The following ABCA8 variants were observed in gnomAD, a reference collection of about 807,000 sequenced individuals.
ABCA8 encodes ATP binding cassette subfamily A member 8.
A neutral mutation model predicts 192.3 loss-of-function variants in ABCA8; 177 were observed. That is an observed-to-expected ratio of 0.92 (90% CI 0.81 to 1.04). The LOEUF (loss-of-function observed/expected upper bound fraction) is 1.04. Ranked by LOEUF, ABCA8 falls within the 50% of genes least tolerant of loss-of-function variation. ABCA8 has a pLI of 0.00. For missense variants in ABCA8, 1,915 were observed against 1,904.8 expected (o/e 1.01, Z -0.10); for synonymous variants, 642 against 690.2 (o/e 0.93, Z 1.09).
rs772809468 is a variant in ABCA8 at position 68,875,304 on chromosome 17, A to C, written c.4587T>G (p.His1529Gln). The change falls in exon 37 of 40, where the codon CAT becomes CAG. Residue 1529 changes from histidine (H) to glutamine (Q), a missense_variant. Coordinates refer to ENST00000586539, the MANE Select transcript of ABCA8 (RefSeq NM_001288985.2). ...GGGGGAAAAGCCTCAGGATCTCTGCATGGAGGGGCTCCACTTGTGCCAGGT... is the reference window on the plus strand; with the variant it reads ...GGGGGAAAAGCCTCAGGATCTCTGCCTGGAGGGGCTCCACTTGTGCCAGGT... ...VKNLAQVEPL[H>Q]AEILRLFPQA... 6.2e-7 allele frequency: 1 copy of C among 1,614,018 alleles called. No individual in the cohort carries two copies. The highest frequency in any genetic ancestry group is 1.3e-5 in the African/African-American group (1 of 74,932).
At chr17:68,873,358 G>C (rs1439122641) in intron 37 of ABCA8, among the ~76,000 whole-genome samples, 1 of 152,168 alleles carries the variant, frequency 6.6e-6, no homozygotes, top group African/African-American at 2.4e-5. Flanking sequence ...AATTCACTCA[G>C]TGATATTCAC....
intron 24 of ABCA8, among the ~76,000 whole-genome samples, chr17:68,891,262 C>T (rs1299026254): frequency 6.6e-6 from 1 of 151,844 alleles, no homozygotes; most frequent in Non-Finnish European, 1.5e-5. Context: ...GTTGGTTTGT[C>T]TATTCTAGCT....
Position 68,918,197 on chromosome 17 carries a change from G to C in ABCA8, c.1909-12C>G, listed in dbSNP as rs370234839. ...TCCAACAGGAAAATCTATAAACGAGGAAAGTATATAAGGCGGTTTTCCTCA... is the reference window on the plus strand; with the variant it reads ...TCCAACAGGAAAATCTATAAACGAGCAAAGTATATAAGGCGGTTTTCCTCA... On this transcript the variant is annotated splice_polypyrimidine_tract_variant and intron_variant, in intron 15 of 39. Transcript: ENST00000586539. The C allele has an allele frequency of 1.5e-5, 24 of 1,613,766 alleles. No homozygotes were observed. The African/African-American group carries it at 3.1e-4, about 21-fold the overall frequency.
chr17:68,895,933 C>T (rs1001446525), intron 21 of ABCA8, among the ~76,000 whole-genome samples: 1 of 151,934 alleles, frequency 6.6e-6, no homozygotes, highest in East Asian at 1.9e-4. Flanking sequence ...GCAGAGTTTC[C>T]ACGACAGGAG....
Position 68,932,455 on chromosome 17 carries a change from C to G in ABCA8, c.630G>C (p.Lys210Asn), listed in dbSNP as rs774737899. The part of the protein sequence containing the change: ...ELMSVTGKNM[K>N]MHSFIGQSGV... Reference sequence around the variant, plus strand: ...CTGATTGACCAATGAAGGAATGCATCTTCATATTTTTTCCAGTAACTGACA... The same window carrying G: ...CTGATTGACCAATGAAGGAATGCATGTTCATATTTTTTCCAGTAACTGACA... The change falls in exon 7 of 40, where the codon AAG becomes AAC. Residue 210 changes from lysine (K) to asparagine (N), a missense_variant. Physicochemically the swap from Lys to Asn is moderately conservative, Grantham distance 94. Coordinates refer to ENST00000586539, the MANE Select transcript of ABCA8 (RefSeq NM_001288985.2). 53 of 1,613,838 alleles carry G rather than the reference C, an allele frequency of 3.3e-5. No homozygotes were observed. Among genetic ancestry groups the G allele is most frequent in the Middle Eastern group, 1.6e-4 (1 of 6,082 alleles).
rs780446132 is a variant in ABCA8 at position 68,869,740 on chromosome 17, A to T, written c.4671T>A (p.Asp1557Glu). ...SLMVYKLPVE[D>E]VQPLAQAFFK... ...AGAAAGCTTGGGCTAAAGGTTGCAC[A>T]TCTTCCACTGGCAACTTATAAACCA... Residue 1557 changes from aspartate to glutamate, a missense_variant, in exon 38 of 40, where the codon GAT becomes GAA. Transcript: ENST00000586539. 12 of 1,613,330 alleles carry T rather than the reference A, an allele frequency of 7.4e-6. No homozygotes were observed. The African/African-American group carries it at 1.3e-4, about 18-fold the overall frequency.
At chr17:68,909,021 T>G (rs2067166594) in intron 17 of ABCA8, among the ~76,000 whole-genome samples, 1 of 152,178 alleles carries the variant, frequency 6.6e-6, no homozygotes, top group South Asian at 2.1e-4. Flanking sequence ...TGCTATTTTT[T>G]TAGAAGTAGT....
At chr17:68,912,934 G>A (rs905032067) in intron 17 of ABCA8, among the ~76,000 whole-genome samples, 12 of 152,128 alleles carry the variant, frequency 7.9e-5, no homozygotes, top group African/African-American at 2.9e-4. Flanking sequence ...TTTATGCAAT[G>A]GCTGCAGAAT....
At chr17:68,881,571 T>C (rs1414623350) in intron 31 of ABCA8, among the ~76,000 whole-genome samples, 1 of 152,228 alleles carries the variant, frequency 6.6e-6, no homozygotes, top group African/African-American at 2.4e-5. Context: ...GGTTCTCTTG[T>C]GAAAAACAAT....
chr17:68,875,695 C>A lies in ABCA8; in HGVS notation c.4409G>T (p.Gly1470Val), dbSNP rs756028935. Residue 1470 changes from glycine (G) to valine (V), a missense_variant, in exon 36 of 40, where the codon GGT becomes GTT. Gly to Val is a moderately radical substitution (Grantham distance 109). Coordinates refer to ENST00000586539, the MANE Select transcript of ABCA8 (RefSeq NM_001288985.2). ...CATGTAGTGGGTGGTTAGGAGGGCACCCCTTTCCGTGTTTCTAAAGGTGGC... is the reference window on the plus strand; with the variant it reads ...CATGTAGTGGGTGGTTAGGAGGGCAACCCTTTCCGTGTTTCTAAAGGTGGC... Reference protein sequence around the residue: ...IRATFRNTERGALLTTHYMAE... With the variant: ...IRATFRNTERVALLTTHYMAE... The A allele has an allele frequency of 1.9e-6, 3 of 1,613,964 alleles. No homozygotes were observed. Among genetic ancestry groups the A allele is most frequent in the Admixed American group, 1.7e-5 (1 of 60,000 alleles).
rs972614249 is a variant in ABCA8 at position 68,933,274 on chromosome 17, T to C, written c.467-3A>G. Reference sequence around the variant, plus strand: ...TTCATTTGTTTCATAACAATGAGCTTTGTGAAAAAACAAATCATAACTATC... The same window carrying C: ...TTCATTTGTTTCATAACAATGAGCTCTGTGAAAAAACAAATCATAACTATC... On this transcript the variant is annotated splice_region_variant and splice_polypyrimidine_tract_variant and intron_variant, in intron 5 of 39. Transcript: ENST00000586539. 1.3e-6 allele frequency: 2 copies of C among 1,583,970 alleles called. No individual in the cohort carries two copies. The highest frequency in any genetic ancestry group is 1.7e-6 in the Non-Finnish European group (2 of 1,156,726).
chr17:68,950,803 T>C (rs1233260216), intron 1 of ABCA8, among the ~76,000 whole-genome samples: 3 of 152,172 alleles, frequency 2.0e-5, no homozygotes, highest in Non-Finnish European at 4.4e-5. Context: ...GAGTGATTGA[T>C]TGCATCAGTG....
At chr17:68,940,989 G>A (rs770098937) in intron 3 of ABCA8, 27 bp from the exon 4 acceptor site, 1 of 1,531,096 alleles carries the variant, frequency 6.5e-7, no homozygotes, top group East Asian at 2.3e-5. Context: ...AAAAGATAAA[G>A]AAAAGTCTTA....
At chr17:68,946,067 AATT>A (rs1310205796) in intron 2 of ABCA8, among the ~76,000 whole-genome samples, 1 of 151,466 alleles carries the variant, frequency 6.6e-6, no homozygotes, top group African/African-American at 2.4e-5. Flanking sequence ...TTAATTAATT[AATT>A]AATTAATTAA....
At chr17:68,882,461 G>T in intron 30 of ABCA8, 138 bp downstream of exon 30, 1 of 660,092 alleles carries the variant, frequency 1.5e-6, no homozygotes, top group Non-Finnish European at 2.4e-6. Flanking sequence ...ATGACTTTTA[G>T]TCGCTCATTT....
At chr17:68,873,963 G>C (rs8070768) in intron 37 of ABCA8, among the ~76,000 whole-genome samples, 6,305 of 152,178 alleles carry the variant, frequency 0.041, 425 homozygotes, top group African/African-American at 0.14. Flanking sequence ...TTTGTATGTG[G>C]GTTGTTATTT....
Position 68,940,761 on chromosome 17 carries a change from C to A in ABCA8, c.298G>T (p.Ala100Ser), listed in dbSNP as rs1317722479. 1.9e-6 allele frequency: 3 copies of A among 1,612,162 alleles called. No individual in the cohort carries two copies. Among genetic ancestry groups the A allele is most frequent in the Non-Finnish European group, 1.7e-6 (2 of 1,178,640 alleles). ...MNKVASTPFL[A>S]GKEVLGLPDE... Reference sequence around the variant, plus strand: ...CTTAAGTAACTAGAAAACTTACCTGCCAGGAAGGGAGTAGAGGCTACTTTA... The same window carrying A: ...CTTAAGTAACTAGAAAACTTACCTGACAGGAAGGGAGTAGAGGCTACTTTA... Residue 100 changes from alanine (A) to serine (S), a missense_variant, in exon 4 of 40, where the codon GCA becomes TCA. Physicochemically the swap from Ala to Ser is moderately conservative, Grantham distance 99. Coordinates refer to ENST00000586539, the MANE Select transcript of ABCA8 (RefSeq NM_001288985.2).
In ABCA8 at chr17:68,890,611, C is replaced by T. The variant is rs551269358; in HGVS notation, c.3144+878G>A. On this transcript the variant is annotated intron_variant, in intron 24 of 39. Coordinates refer to ENST00000586539, the MANE Select transcript of ABCA8 (RefSeq NM_001288985.2). ...TCAGCTCACTGCAACCTCCGCAGTC[C>T]AGGTTCAAGCGATTCTCCTGCCTCA... Among the ~76,000 whole-genome samples the T allele has an allele frequency of 3.9e-5, 6 of 152,258 alleles. No individual in the cohort carries two copies. The East Asian group carries it at 1.2e-3, about 29-fold the overall frequency.
chr17:68,886,449 CTT>C (rs1301782914), intron 26 of ABCA8, among the ~76,000 whole-genome samples: 1 of 152,130 alleles, frequency 6.6e-6, no homozygotes, highest in Non-Finnish European at 1.5e-5. Context: ...AAATCTTACT[CTT>C]TTTCAGATTT....
Sources: gnomAD v4.1 joint callset for allele counts (sites outside exome capture counted in the v4.1 genomes callset) on GRCh38, gnomAD v4.1.1 for gene constraint, MANE v1.5 for transcripts, NCBI Gene and HGNC (gene_info 2026-07-23, HGNC 2026-07-21) for gene names.